Variants in BRCC3 observed in about 807,000 individuals in gnomAD.
The protein encoded by BRCC3 is lys-63-specific deubiquitinase BRCC36.
In BRCC3, 15 loss-of-function variants were observed where a neutral mutation model predicts 28.0. That is an observed-to-expected ratio of 0.54 (90% CI 0.36 to 0.82). BRCC3 has a LOEUF of 0.82. BRCC3 is among the 40% of genes least tolerant of loss of function. BRCC3 has a pLI of 0.01. For missense variants in BRCC3, 109 were observed against 225.9 expected, an observed-to-expected ratio of 0.48 and a Z score of 3.32; for synonymous variants, 66 against 80.3, an observed-to-expected ratio of 0.82 and a Z score of 0.95.
chrX:155,087,168 G>C (rs1179231533), intron 5 of BRCC3, among the ~76,000 whole-genome samples: 6 of 112,054 alleles, frequency 5.4e-5, no homozygotes, highest in African/African-American at 1.9e-4. Context: ...CGCTCAGGTG[G>C]TCTCCCAAGG....
chrX:155,120,174 A>G lies in BRCC3; in HGVS notation c.*18+6A>G, dbSNP rs782678159. 2 of 1,181,991 alleles carry G rather than the reference A, an allele frequency of 1.7e-6. No homozygotes were observed. The highest frequency in any genetic ancestry group is 2.3e-6 in the Non-Finnish European group (2 of 871,762). On this transcript the variant is annotated splice_donor_region_variant and intron_variant, in intron 10 of 10. Coordinates refer to ENST00000330045, the MANE Select transcript of BRCC3 (RefSeq NM_001018055.3). The stretch of plus-strand genomic sequence containing the variant: ...AAATCAGGAGACAAAATGGGGTAAA[A>G]AACTTCTTTTTCAATTTGTGTACTA...
At chrX:155,091,980 A>G (rs2074178337) in intron 7 of BRCC3, among the ~76,000 whole-genome samples, 1 of 112,266 alleles carries the variant, frequency 8.9e-6, no homozygotes. Flanking sequence ...ATGCATGCAT[A>G]TGCATGAAAA....
In BRCC3 at chrX:155,089,237, AT is replaced by A. The variant is rs782639233; in HGVS notation, c.404-21del. On this transcript the variant is annotated intron_variant, in intron 5 of 10. Transcript: ENST00000330045. ...GTGAGACACAGCTTATTGACAGAAG[AT>A]TTTTAAATTTTCATTTATTTTCAGA... 5.5e-6 allele frequency: 6 copies of A among 1,084,437 alleles called. No individual in the cohort carries two copies. In the Admixed American group the frequency reaches 1.6e-4, roughly 28 times the overall value. 89.4% of individuals were successfully genotyped at this position (1,084,437 alleles called of 1,213,427 possible).
intron 3 of BRCC3, among the ~76,000 whole-genome samples, chrX:155,074,992 T>A: frequency 8.9e-6 from 1 of 112,618 alleles, no homozygotes. Flanking sequence ...TAATTTTAAA[T>A]TTTTTAGTAA....
At chrX:155,087,591 A>G (rs2074142160) in intron 5 of BRCC3, among the ~76,000 whole-genome samples, 1 of 111,513 alleles carries the variant, frequency 9.0e-6, no homozygotes, top group Non-Finnish European at 1.9e-5. Context: ...AAATCCCCCA[A>G]AGGGTAAGGG....
intron 2 of BRCC3, among the ~76,000 whole-genome samples, chrX:155,072,996 C>T (rs781822791): frequency 4.5e-5 from 5 of 112,184 alleles, no homozygotes; most frequent in African/African-American, 1.6e-4. Context: ...AGTGACATTG[C>T]CTTTCCTCCT....
At chrX:155,119,293 G>A (rs1237361490) in intron 9 of BRCC3, among the ~76,000 whole-genome samples, 4 of 111,936 alleles carry the variant, frequency 3.6e-5, no homozygotes, top group African/African-American at 1.3e-4. Flanking sequence ...GTTTTAAAGT[G>A]TACATGTACT....
intron 5 of BRCC3, among the ~76,000 whole-genome samples, chrX:155,086,285 C>T (rs1055533838): frequency 1.9e-4 from 21 of 111,570 alleles, no homozygotes; most frequent in African/African-American, 6.9e-4. Flanking sequence ...TGGCTTTTAA[C>T]AGCAACATGC....
chrX:155,094,429 A>G lies in BRCC3; in HGVS notation c.548+3590A>G, dbSNP rs182587812. Among the ~76,000 whole-genome samples the G allele has an allele frequency of 9.0e-5, 10 of 110,985 alleles. No homozygotes were observed. In the East Asian group the frequency reaches 1.1e-3, roughly 13 times the overall value. On this transcript the variant is annotated intron_variant, in intron 7 of 10. Transcript: ENST00000330045. Reference sequence around the variant, plus strand: ...AGCTTGGTTATTAAACATTTGGTGTATACGCAGGCCAAATCATGAAGGAAC... The same window carrying G: ...AGCTTGGTTATTAAACATTTGGTGTGTACGCAGGCCAAATCATGAAGGAAC...
At chrX:155,072,231 C>T (rs1355564517) in intron 1 of BRCC3, 96 bp from the exon 2 acceptor site, 4 of 688,248 alleles carry the variant, frequency 5.8e-6, no homozygotes, top group Non-Finnish European at 9.2e-6. Context: ...ATACCATGTG[C>T]GTGAACACAT....
chrX:155,075,990 G>A (rs1173864012), intron 3 of BRCC3, among the ~76,000 whole-genome samples: 1 of 112,212 alleles, frequency 8.9e-6, no homozygotes, highest in East Asian at 2.8e-4. Context: ...GGATACACTT[G>A]TCTGCCTTTT....
rs1557293760 is a variant in BRCC3, at chrX:155,077,309, G to A, written c.315+20G>A. 8.6e-7 allele frequency: 1 copy of A among 1,164,155 alleles called. No individual in the cohort carries two copies. The highest frequency in any genetic ancestry group is 3.2e-5 in the East Asian group (1 of 30,838). On this transcript the variant is annotated intron_variant, in intron 4 of 10. Transcript: ENST00000330045. ...GCAGAGATATCCTTACTGGTCAATA[G>A]AAGCTTTTATGTGCTCTGGGGTTCC...
intron 2 of BRCC3, 131 bp from the exon 3 acceptor site, chrX:155,073,246 A>T (rs781887926): frequency 7.0e-6 from 5 of 714,953 alleles, no homozygotes; most frequent in Middle Eastern, 3.4e-4. Context: ...GCCTCAATTC[A>T]GTTTCCCTCC....
chrX:155,105,376 G>A (rs1225192574), intron 7 of BRCC3, among the ~76,000 whole-genome samples: 9 of 111,518 alleles, frequency 8.1e-5, no homozygotes, highest in East Asian at 5.7e-4. Context: ...CCAGCTACTC[G>A]GGAGGCTGAG....
rs782495216 is a variant in BRCC3 at position 155,108,353 on chromosome X, A to G, written c.549-7704A>G. ...TTGTTAGGCATTTGGGTTGTTTCCA[A>G]TTTGGGGCTCTTATGAATAAAGCTG... On this transcript the variant is annotated intron_variant, in intron 7 of 10. Coordinates refer to ENST00000330045, the MANE Select transcript of BRCC3 (RefSeq NM_001018055.3). Among the ~76,000 whole-genome samples the G allele has an allele frequency of 1.1e-3, 125 of 111,987 alleles. 1 individual carries two copies. The highest frequency in any genetic ancestry group is 4.5e-3 in the Admixed American group (48 of 10,603).
intron 7 of BRCC3, among the ~76,000 whole-genome samples, chrX:155,102,896 A>C (rs782611539): frequency 1.8e-5 from 2 of 111,935 alleles, no homozygotes; most frequent in African/African-American, 6.5e-5. Flanking sequence ...AGGGTCTGTC[A>C]ACATTGGCAC....
chrX:155,078,401 A>G (rs931552742), intron 4 of BRCC3, among the ~76,000 whole-genome samples: 1 of 112,014 alleles, frequency 8.9e-6, no homozygotes, highest in Non-Finnish European at 1.9e-5. Context: ...AAACTTGAGG[A>G]TGTAAGTATA....
At chrX:155,102,950 C>CGTGT (rs1423535775) in intron 7 of BRCC3, among the ~76,000 whole-genome samples, 4 of 109,817 alleles carry the variant, frequency 3.6e-5, no homozygotes, top group African/African-American at 1.3e-4. Flanking sequence ...TGTGTGTGTG[C>CGTGT]GTGTGTGTGT....
chrX:155,091,212 T>G (rs1212417458), intron 7 of BRCC3, among the ~76,000 whole-genome samples: 1 of 112,008 alleles, frequency 8.9e-6, no homozygotes, highest in Non-Finnish European at 1.9e-5. Context: ...GTCATAAACT[T>G]GATTTAAATG....
Sources: gnomAD v4.1 joint callset for allele counts (sites outside exome capture counted in the v4.1 genomes callset) on GRCh38, gnomAD v4.1.1 for gene constraint, MANE v1.5 for transcripts, NCBI Gene and HGNC (gene_info 2026-07-23, HGNC 2026-07-21) for gene names.